The following PPP3CA variants were observed in gnomAD, a reference collection of about 807,000 sequenced individuals.
PPP3CA encodes the protein protein phosphatase 3 catalytic subunit alpha, also known as CAM-PRP catalytic subunit.
Under a neutral mutation model 66.5 loss-of-function variants are expected in PPP3CA, and 14 were observed. The ratio of observed to expected loss-of-function variants is 0.21; its 90% confidence interval spans 0.14 to 0.33. The LOEUF is 0.33. Among genes scored for constraint, PPP3CA ranks in the 10% least tolerant of loss-of-function variants. PPP3CA has a pLI of 1.00. For synonymous variants in PPP3CA, 232 were observed against 226.2 expected, an observed-to-expected ratio of 1.03 and a Z score of -0.23; for missense variants, 317 against 639.5, an observed-to-expected ratio of 0.50 and a Z score of 5.44.
intron 1 of PPP3CA, among the ~76,000 whole-genome samples, chr4:101,301,427 TAA>T (rs1728371591): frequency 6.8e-6 from 1 of 147,036 alleles, no homozygotes; most frequent in African/African-American, 2.5e-5. Flanking sequence ...AATTTATATA[TAA>T]TATATATTAA....
chr4:101,090,471 C>T (rs575818368), intron 6 of PPP3CA, among the ~76,000 whole-genome samples: 7 of 151,550 alleles, frequency 4.6e-5, no homozygotes, highest in African/African-American at 1.2e-4. Flanking sequence ...AAAGAAACCC[C>T]GTCTCTACTA....
At chr4:101,280,501 G>A (rs971901964) in intron 1 of PPP3CA, among the ~76,000 whole-genome samples, 3 of 152,110 alleles carry the variant, frequency 2.0e-5, no homozygotes, top group Non-Finnish European at 4.4e-5. Context: ...TAGAGGCACT[G>A]AGGAAAGATT....
chr4:101,033,770 C>A (rs1231713540), intron 11 of PPP3CA, among the ~76,000 whole-genome samples: 1 of 152,184 alleles, frequency 6.6e-6, no homozygotes, highest in South Asian at 2.1e-4. Flanking sequence ...ACTTCATACC[C>A]ATTAAGCAGT....
chr4:101,156,509 C>T (rs1165705027), intron 2 of PPP3CA, among the ~76,000 whole-genome samples: 2 of 152,044 alleles, frequency 1.3e-5, no homozygotes, highest in African/African-American at 4.8e-5. Flanking sequence ...GGAGAAACCC[C>T]GTCTCTACTA....
intron 1 of PPP3CA, among the ~76,000 whole-genome samples, chr4:101,256,337 G>A (rs1184546559): frequency 6.6e-6 from 1 of 151,980 alleles, no homozygotes; most frequent in East Asian, 1.9e-4. Flanking sequence ...AGTCAGCAAT[G>A]CATAATCTCA....
chr4:101,083,133 A>T (rs1729512058), intron 7 of PPP3CA, 53 bp downstream of exon 7: 4 of 1,309,626 alleles, frequency 3.1e-6, no homozygotes, highest in Non-Finnish European at 4.0e-6. Context: ...AAAGTGAGGA[A>T]GTTCTGGAAA....
At position 101,341,187 on chromosome 4, in the gene PPP3CA, C is replaced by T. The variant is rs996019608; in HGVS notation, c.58+5552G>A. ...ATCTTAAATATACCAAAAGAAGTGG[C>T]CATTTTCTTTTTTTCTTTTTCTTTT... On this transcript the variant is annotated intron_variant, in intron 1 of 13. Transcript: ENST00000394854. Among the ~76,000 whole-genome samples the T allele has an allele frequency of 1.3e-4, 18 of 139,030 alleles. No individual in the cohort carries two copies. The Admixed American group carries it at 1.4e-3, about 11-fold the overall frequency. The allele number at this position is 139,030 out of a possible 152,430, so 91.2% of individuals were successfully genotyped here. A position where few individuals can be genotyped will look rare whatever the true frequency, so the allele number is the denominator to read the frequency against.
At chr4:101,225,625 T>C (rs770235837) in intron 1 of PPP3CA, among the ~76,000 whole-genome samples, 8 of 151,810 alleles carry the variant, frequency 5.3e-5, no homozygotes, top group African/African-American at 1.2e-4. Context: ...TGTTTAAGGA[T>C]AGTTCTAAAA....
intron 1 of PPP3CA, among the ~76,000 whole-genome samples, chr4:101,317,253 AAC>A (rs3840161): frequency 0.032 from 4,707 of 145,110 alleles, 88 homozygotes; most frequent in Middle Eastern, 0.039. Flanking sequence ...CGGTACTCCC[AAC>A]ACACACACAC....
At chr4:101,033,275 GAC>G (rs144959971) in intron 11 of PPP3CA, among the ~76,000 whole-genome samples, 7,315 of 126,728 alleles carry the variant, frequency 0.058, 206 homozygotes, top group Non-Finnish European at 0.083. Flanking sequence ...CATACATAGA[GAC>G]ACACACACAC....
chr4:101,334,005 G>A (rs1220686725), intron 1 of PPP3CA, among the ~76,000 whole-genome samples: 1 of 152,182 alleles, frequency 6.6e-6, no homozygotes, highest in Non-Finnish European at 1.5e-5. Flanking sequence ...TGAGCAGGAT[G>A]GGTAGATGGA....
chr4:101,145,476 C>G (rs1465289226), intron 2 of PPP3CA, among the ~76,000 whole-genome samples: 2 of 152,052 alleles, frequency 1.3e-5, no homozygotes, highest in African/African-American at 4.8e-5. Context: ...TTATTTGCAA[C>G]AACATGGATG....
chr4:101,079,379 CTTTTTTT>C (rs1016993243), intron 8 of PPP3CA, among the ~76,000 whole-genome samples: 9 of 138,548 alleles, frequency 6.5e-5, no homozygotes, highest in Admixed American at 2.9e-4. Flanking sequence ...TTCCATTTCT[CTTTTTTT>C]TTTTTTTTTT....
intron 3 of PPP3CA, 126 bp downstream of exon 3, chr4:101,108,828 A>G (rs1298383600): frequency 3.1e-6 from 3 of 958,930 alleles, no homozygotes; most frequent in Admixed American, 4.6e-5. Flanking sequence ...GTAATATCCT[A>G]TGAATTAAGT....
chr4:101,028,334 ATATATT>A (rs1286363120), intron 13 of PPP3CA, among the ~76,000 whole-genome samples: 1 of 152,214 alleles, frequency 6.6e-6, no homozygotes, highest in Non-Finnish European at 1.5e-5. Context: ...TCTTATAACT[ATATATT>A]TAAACAACAG....
At chr4:101,210,949 T>C (rs1285134708) in intron 1 of PPP3CA, among the ~76,000 whole-genome samples, 2 of 152,156 alleles carry the variant, frequency 1.3e-5, no homozygotes, top group Admixed American at 1.3e-4. Flanking sequence ...GTAGTAATTA[T>C]AATAACAATG....
chr4:101,290,322 G>A (rs1004002560), intron 1 of PPP3CA, among the ~76,000 whole-genome samples: 10 of 152,066 alleles, frequency 6.6e-5, no homozygotes, highest in African/African-American at 1.7e-4. Flanking sequence ...CACCCATTCC[G>A]CTCCTGTTAA....
chr4:101,295,307 CA>C (rs527366396), intron 1 of PPP3CA, among the ~76,000 whole-genome samples: 1,173 of 42,042 alleles, frequency 0.028, 6 homozygotes, highest in African/African-American at 0.065. Context: ...GACTCCGTCT[CA>C]AAAAAAAAAA....
chr4:101,320,872 C>G (rs1223027825), intron 1 of PPP3CA, among the ~76,000 whole-genome samples: 1 of 151,938 alleles, frequency 6.6e-6, no homozygotes, highest in African/African-American at 2.4e-5. Flanking sequence ...GTGAAAAGAT[C>G]TCAGGTATTA....
Sources: gnomAD v4.1 joint callset for allele counts (sites outside exome capture counted in the v4.1 genomes callset) on GRCh38, gnomAD v4.1.1 for gene constraint, MANE v1.5 for transcripts, NCBI Gene and HGNC (gene_info 2026-07-23, HGNC 2026-07-21) for gene names.